Variants in SIMC1 observed in about 807,000 individuals in gnomAD.
SIMC1 encodes the protein SUMO interacting motifs containing 1, also known as SUMO-interacting motif-containing protein 1.
Under a neutral mutation model 82.3 loss-of-function variants are expected in SIMC1, and 55 were observed. The observed-to-expected ratio is 0.67, with a 90% CI of 0.54 to 0.84. The LOEUF (loss-of-function observed/expected upper bound fraction) is 0.84, where lower values mean the gene tolerates loss of function less well. SIMC1 is among the 40% of genes least tolerant of loss of function. The probability of loss-of-function intolerance (pLI) is 0.00; values close to 1 mark genes in which losing one functional copy is unlikely to be tolerated. For synonymous variants in SIMC1, 353 were observed against 426.3 expected, an observed-to-expected ratio of 0.83 and a Z score of 2.12; for missense variants, 915 against 1,107.2, an observed-to-expected ratio of 0.83 and a Z score of 2.46.
At chr5:176,244,495 CAA>C (rs1761367977) in intron 1 of SIMC1, among the ~76,000 whole-genome samples, 1 of 151,048 alleles carries the variant, frequency 6.6e-6, no homozygotes, top group African/African-American at 2.4e-5. Context: ...GTTGAGGTGA[CAA>C]GAGGAAGAAC....
chr5:176,265,572 C>T (rs1189584006), intron 1 of SIMC1, among the ~76,000 whole-genome samples: 3 of 152,038 alleles, frequency 2.0e-5, no homozygotes, highest in Non-Finnish European at 4.4e-5. Flanking sequence ...TAACATTCAC[C>T]TCACAATGTC....
Position 176,345,175 on chromosome 5 carries a change from T to C in SIMC1, c.2414-8T>C. ...AGAGCACCCAACTGACTTTTTTCCC[T>C]CTTGCAGAACACTTAAGGAGTTCCG... On this transcript the variant is annotated splice_region_variant and splice_polypyrimidine_tract_variant and intron_variant, in intron 9 of 9. Coordinates refer to ENST00000429602, the MANE Select transcript of SIMC1 (RefSeq NM_001308195.2). 6.2e-7 allele frequency: 1 copy of C among 1,608,566 alleles called. No homozygotes were observed. Among genetic ancestry groups the C allele is most frequent in the Middle Eastern group, 1.7e-4 (1 of 6,028 alleles).
At position 176,289,644 on chromosome 5, in the gene SIMC1, C is replaced by G; in HGVS notation, c.130-10C>G. ...TCTTGACCTCTTTTCTTCACACAAT[C>G]CTTCAACAGGACTTCATTGACTTAA... On this transcript the variant is annotated splice_polypyrimidine_tract_variant and intron_variant, in intron 1 of 9. Transcript: ENST00000429602. 6.4e-7 allele frequency: 1 copy of G among 1,568,330 alleles called. No individual in the cohort carries two copies. Among genetic ancestry groups the G allele is most frequent in the Non-Finnish European group, 8.6e-7 (1 of 1,157,414 alleles).
intron 9 of SIMC1, among the ~76,000 whole-genome samples, chr5:176,343,522 G>A (rs1411685465): frequency 2.0e-5 from 3 of 152,024 alleles, no homozygotes; most frequent in Admixed American, 6.6e-5. Context: ...TTAGACCTAC[G>A]GAAAAGTAGA....
intron 2 of SIMC1, among the ~76,000 whole-genome samples, chr5:176,293,532 T>A (rs1346071316): frequency 6.7e-6 from 1 of 149,974 alleles, no homozygotes; most frequent in Non-Finnish European, 1.5e-5. Flanking sequence ...TCACTTGAGT[T>A]CACAAGTTCG....
At chr5:176,286,869 C>G (rs149411216) in intron 1 of SIMC1, among the ~76,000 whole-genome samples, 24 of 152,268 alleles carry the variant, frequency 1.6e-4, no homozygotes, top group African/African-American at 5.3e-4. Context: ...CCAACAGACA[C>G]ATGAAAAAAT....
chr5:176,285,286 A>C (rs961525382), intron 1 of SIMC1, among the ~76,000 whole-genome samples: 1 of 152,176 alleles, frequency 6.6e-6, no homozygotes, highest in Non-Finnish European at 1.5e-5. Context: ...AAGCTTATCC[A>C]CCATGATCAA....
intron 1 of SIMC1, among the ~76,000 whole-genome samples, chr5:176,265,161 CTAATTGAGGGAGTT>C (rs1394936624): frequency 6.6e-6 from 1 of 152,082 alleles, no homozygotes; most frequent in African/African-American, 2.4e-5. Context: ...CTCCTAGGAC[CTAATTGAGGGAGTT>C]TAACAAGGTC....
Position 176,313,702 on chromosome 5 carries a change from G to T in SIMC1, c.1746G>T (p.Leu582=). ...TYVMEEEGQT[L]PGRVLFLRYV... is the part of the protein sequence containing the mutation. ...TCTTTTTCCCACAGGGACAAACTCT[G>T]CCTGGGCGAGTCCTTTTCCTGCGTT... The change falls in exon 5 of 10, where the codon CTG becomes CTT. Residue 582 remains leucine, a synonymous_variant. Transcript: ENST00000429602. 6.2e-7 allele frequency: 1 copy of T among 1,613,878 alleles called. No homozygotes were observed. The highest frequency in any genetic ancestry group is 1.1e-5 in the South Asian group (1 of 91,058).
intron 3 of SIMC1, 143 bp from the exon 4 acceptor site, chr5:176,296,108 A>G (rs990196967): frequency 7.1e-7 from 1 of 1,408,782 alleles, no homozygotes; most frequent in Non-Finnish European, 9.6e-7. Context: ...TCTCAGATTG[A>G]CATGGTATGA....
chr5:176,342,468 C>T (rs1275087058), intron 9 of SIMC1, among the ~76,000 whole-genome samples: 4 of 152,106 alleles, frequency 2.6e-5, no homozygotes, highest in Non-Finnish European at 5.9e-5. Flanking sequence ...TTTTCATTGC[C>T]TTCCATGGAT....
In SIMC1 at chr5:176,294,878, T is replaced by A. The variant is rs1581267197; in HGVS notation, c.1432-152T>A. ...TACTCTGGAGGCTGAGGCAGGAGAA[T>A]GGCATGAACTCGGGAGGCAGAGCTT... On this transcript the variant is annotated intron_variant, in intron 2 of 9. Coordinates refer to ENST00000429602, the MANE Select transcript of SIMC1 (RefSeq NM_001308195.2). 3.3e-5 allele frequency: 35 copies of A among 1,049,674 alleles called. No homozygotes were observed. The South Asian group carries it at 6.1e-4, about 18-fold the overall frequency. The allele number at this position is 1,049,674 out of a possible 1,614,324, so 65.0% of individuals were successfully genotyped here. A position where few individuals can be genotyped will look rare whatever the true frequency, so the allele number is the denominator to read the frequency against.
rs967758551 is a variant in SIMC1, at chr5:176,345,423, A to C, written c.2654A>C (p.Gln885Pro). The change falls in exon 10 of 10, where the codon CAA becomes CCA. Residue 885 changes from glutamine (Q) to proline (P), a missense_variant. Around this residue, in one of 2 missense-constraint regions of SIMC1, gnomAD observed 902 missense variants for 1,040.3 expected, o/e 0.87. Coordinates refer to ENST00000429602, the MANE Select transcript of SIMC1 (RefSeq NM_001308195.2). The part of the protein sequence containing the change: ...ADLNPDAEPF[Q>P]KGWSGS ...TTGAACCCTGATGCAGAGCCCTTTC[A>C]AAAGGGCTGGAGCGGCTCCTGAGGG... The C allele has an allele frequency of 1.9e-6, 3 of 1,613,728 alleles. No individual in the cohort carries two copies. The African/African-American group carries it at 4.0e-5, about 22-fold the overall frequency.
At chr5:176,293,068 GTTTC>G (rs1009622506) in intron 2 of SIMC1, among the ~76,000 whole-genome samples, 29 of 152,156 alleles carry the variant, frequency 1.9e-4, no homozygotes, top group African/African-American at 6.0e-4. Context: ...CTCCAAATCT[GTTTC>G]TTTATTTATG....
chr5:176,340,213 C>T (rs1361274504), intron 9 of SIMC1, among the ~76,000 whole-genome samples: 1 of 152,160 alleles, frequency 6.6e-6, no homozygotes, highest in Non-Finnish European at 1.5e-5. Context: ...GAGAGAAAAG[C>T]AAATGCAGAG....
At chr5:176,321,580 A>G (rs990151572) in intron 5 of SIMC1, among the ~76,000 whole-genome samples, 5 of 152,172 alleles carry the variant, frequency 3.3e-5, no homozygotes, top group East Asian at 1.9e-4. Flanking sequence ...TAAATCTACT[A>G]TTTTTACCTA....
At chr5:176,282,209 C>T (rs1763042884) in intron 1 of SIMC1, among the ~76,000 whole-genome samples, 1 of 152,260 alleles carries the variant, frequency 6.6e-6, no homozygotes, top group Non-Finnish European at 1.5e-5. Context: ...ATCAGCAAGA[C>T]TCCATGGGCG....
chr5:176,295,414 G>A (rs1426284758), intron 3 of SIMC1, among the ~76,000 whole-genome samples, 152 bp downstream of exon 3: 1 of 152,190 alleles, frequency 6.6e-6, no homozygotes, highest in Non-Finnish European at 1.5e-5. Flanking sequence ...AGGAAACCCA[G>A]TCCAAACAGA....
intron 9 of SIMC1, among the ~76,000 whole-genome samples, chr5:176,343,772 CTTT>C (rs568636368): frequency 2.0e-5 from 3 of 151,870 alleles, no homozygotes; most frequent in African/African-American, 7.3e-5. Context: ...CGAAACTTTT[CTTT>C]TTTTGTTTTT....
Sources: gnomAD v4.1 joint callset for allele counts (sites outside exome capture counted in the v4.1 genomes callset) on GRCh38, gnomAD v4.1.1 for gene constraint, gnomAD v4.1.1 regional missense constraint, MANE v1.5 for transcripts, NCBI Gene and HGNC (gene_info 2026-07-23, HGNC 2026-07-21) for gene names.